Variants in TP53BP1 observed in about 807,000 individuals in gnomAD.
TP53BP1 encodes TP53-binding protein 1.
Under a neutral mutation model 200.8 loss-of-function variants are expected in TP53BP1, and 61 were observed. The ratio of observed to expected loss-of-function variants is 0.30; its 90% confidence interval spans 0.25 to 0.38. The LOEUF (loss-of-function observed/expected upper bound fraction) is 0.38. Ranked by LOEUF, TP53BP1 falls within the 10% of genes least tolerant of loss-of-function variation. The pLI is 1.00. For synonymous variants in TP53BP1, 822 were observed against 844.3 expected (o/e 0.97, Z 0.46); for missense variants, 2,144 against 2,371.9 (o/e 0.90, Z 2.00).
At chr15:43,493,232 A>G (rs2079154710), upstream of TP53BP1, 1 of 1,460,304 alleles carries the variant, frequency 6.8e-7, no homozygotes, top group Non-Finnish European at 9.0e-7. Context: ...AATCCCGTGG[A>G]TGATAGGTAG....
In TP53BP1 at chr15:43,406,629, A is replaced by G. The variant is rs1329600565; in HGVS notation, c.*754T>C. 1 of 455,918 alleles carries G rather than the reference A, an allele frequency of 2.2e-6. No homozygotes were observed. Among genetic ancestry groups the G allele is most frequent in the African/African-American group, 2.0e-5 (1 of 50,060 alleles). The allele number at this position is 455,918 out of a possible 1,614,324, so 28.2% of individuals were successfully genotyped here. On this transcript the variant is annotated 3_prime_UTR_variant, in exon 28 of 28. Coordinates refer to ENST00000382044, the MANE Select transcript of TP53BP1 (RefSeq NM_001141980.3). ...AAAACCTTGTTGACCCCTGCTTTAG[A>G]GAATGAGAAGCCATGCAGGGATCAG...
At chr15:43,481,897 A>G (rs1467857312) in intron 4 of TP53BP1, among the ~76,000 whole-genome samples, 1 of 151,758 alleles carries the variant, frequency 6.6e-6, no homozygotes, top group Non-Finnish European at 1.5e-5. Context: ...GCAGCCTTGA[A>G]CTACTGGGCA....
At position 43,460,407 on chromosome 15, in the gene TP53BP1, C is replaced by T. The variant is rs139058456; in HGVS notation, c.1390-3189G>A. Among the ~76,000 whole-genome samples, 1,078 of 152,192 alleles carry T rather than the reference C, an allele frequency of 7.1e-3. 15 individuals carry two copies. The highest frequency in any genetic ancestry group is 0.039 in the East Asian group (199 of 5,164). ...TCCCGAGTAGCTGGAACTACAGGTG[C>T]GCACCACCAGAGCCAGGTAATTTTT... On this transcript the variant is annotated intron_variant, in intron 11 of 27. Coordinates refer to ENST00000382044, the MANE Select transcript of TP53BP1 (RefSeq NM_001141980.3).
intron 10 of TP53BP1, among the ~76,000 whole-genome samples, chr15:43,470,673 CACACAAA>C (rs755613452): frequency 1.2e-4 from 19 of 152,270 alleles, no homozygotes; most frequent in Non-Finnish European, 2.6e-4. Flanking sequence ...GGAACACACA[CACACAAA>C]ACACAAAACA....
intron 18 of TP53BP1, among the ~76,000 whole-genome samples, chr15:43,427,565 CCT>C (rs2045571225): frequency 1.3e-5 from 2 of 152,168 alleles, no homozygotes; most frequent in South Asian, 4.1e-4. Flanking sequence ...AACTTCTAAC[CCT>C]GTTCTTCTAT....
At chr15:43,460,239 G>A (rs537330145) in intron 11 of TP53BP1, among the ~76,000 whole-genome samples, 2 of 152,052 alleles carry the variant, frequency 1.3e-5, no homozygotes, top group East Asian at 3.9e-4. Context: ...AGATGGTTAG[G>A]CATTCATTTC....
At chr15:43,472,282 G>A (rs1595600196) in intron 10 of TP53BP1, among the ~76,000 whole-genome samples, 1 of 152,194 alleles carries the variant, frequency 6.6e-6, no homozygotes, top group South Asian at 2.1e-4. Flanking sequence ...AATGCCCTTA[G>A]AACAATGCCT....
intron 22 of TP53BP1, 102 bp from the exon 23 acceptor site, chr15:43,415,911 T>C (rs755100179): frequency 4.2e-6 from 4 of 952,186 alleles, no homozygotes; most frequent in Non-Finnish European, 4.8e-6. Context: ...CAGTGTTCCT[T>C]CCCCCACTTC....
chr15:43,456,309 T>C lies in TP53BP1; in HGVS notation c.2299A>G (p.Lys767Glu). ...EDSSVVIVDVKEPSPRVDVSC... is the reference protein window; with the variant it reads ...EDSSVVIVDVEEPSPRVDVSC... ...ACATCAACTCTGGGAGATGGCTCTT[T>C]CACATCTACAATGACAACACTGGAG... Residue 767 changes from lysine to glutamate, a missense_variant, in exon 12 of 28, where the codon AAA (lysine) becomes GAA (glutamate). This residue lies in a region of TP53BP1 where 1,700 missense variants were observed against 1,710.3 expected (regional missense o/e 0.99). Transcript: ENST00000382044. The C allele has an allele frequency of 6.2e-7, 1 of 1,614,132 alleles. No individual in the cohort carries two copies.
At chr15:43,458,294 T>C (rs1174773627) in intron 11 of TP53BP1, among the ~76,000 whole-genome samples, 1 of 151,914 alleles carries the variant, frequency 6.6e-6, no homozygotes, top group Non-Finnish European at 1.5e-5. Context: ...TAGCCGGGCA[T>C]GGTGGCGTGC....
At chr15:43,455,841 T>G (rs376531031) in intron 12 of TP53BP1, 51 bp downstream of exon 12, 2 of 1,598,820 alleles carry the variant, frequency 1.3e-6, no homozygotes, top group Non-Finnish European at 1.7e-6. Flanking sequence ...CAACTTTCCA[T>G]TCCAGATTAT....
At chr15:43,447,993 C>T (rs2046082397) in intron 12 of TP53BP1, among the ~76,000 whole-genome samples, 1 of 152,150 alleles carries the variant, frequency 6.6e-6, no homozygotes, top group Non-Finnish European at 1.5e-5. Context: ...GACAGAGGAT[C>T]TCACGGGTTA....
intron 11 of TP53BP1, among the ~76,000 whole-genome samples, chr15:43,465,309 G>A (rs1443712634): frequency 6.6e-6 from 1 of 152,066 alleles, no homozygotes; most frequent in African/African-American, 2.4e-5. Flanking sequence ...ATTAGATCAT[G>A]GTGATGGTTG....
At chr15:43,412,647 T>C in intron 24 of TP53BP1, 1 of 471,152 alleles carries the variant, frequency 2.1e-6, no homozygotes, top group Non-Finnish European at 4.4e-6. Context: ...GTCCCAGTCT[T>C]AGACCTCAGG....
At chr15:43,472,509 A>C (rs1185310624) in intron 10 of TP53BP1, among the ~76,000 whole-genome samples, 1 of 152,218 alleles carries the variant, frequency 6.6e-6, no homozygotes, top group East Asian at 1.9e-4. Flanking sequence ...CTTTCTTGTG[A>C]ATAAAGTAAT....
chr15:43,441,762 CTTTAT>C (rs2045930316), intron 14 of TP53BP1, among the ~76,000 whole-genome samples, 179 bp from the exon 15 acceptor site: 1 of 152,076 alleles, frequency 6.6e-6, no homozygotes, highest in African/African-American at 2.4e-5. Context: ...TTATTTATTT[CTTTAT>C]TTTGAGACAG....
At position 43,432,691 on chromosome 15, in the gene TP53BP1, A is replaced by G; in HGVS notation, c.3192-14T>C. On this transcript the variant is annotated splice_polypyrimidine_tract_variant and intron_variant, in intron 16 of 27. Transcript: ENST00000382044. ...AGCAAGTTCCCCCTGAAAATGCAACATATAAAGAAGCCATGTCAATTAAGC... is the reference window on the plus strand; with the variant it reads ...AGCAAGTTCCCCCTGAAAATGCAACGTATAAAGAAGCCATGTCAATTAAGC... 5 of 1,590,224 alleles carry G rather than the reference A, an allele frequency of 3.1e-6. No homozygotes were observed. The highest frequency in any genetic ancestry group is 4.3e-6 in the Non-Finnish European group (5 of 1,167,582).
chr15:43,404,288 A>C lies in TP53BP1; in HGVS notation c.*3095T>G, dbSNP rs2044780741. 8.9e-7 allele frequency: 1 copy of C among 1,129,000 alleles called. No homozygotes were observed. Among genetic ancestry groups the C allele is most frequent in the Admixed American group, 2.7e-5 (1 of 37,080 alleles). 69.9% of individuals were successfully genotyped at this position (1,129,000 alleles called of 1,614,324 possible). On this transcript the variant is annotated 3_prime_UTR_variant, in exon 28 of 28. Coordinates refer to ENST00000382044, the MANE Select transcript of TP53BP1 (RefSeq NM_001141980.3). ...AACTAATAGAAATAGGAATGTGGGAAGGCCAGGTGGTTCTGTAGAATTTTG... is the reference window on the plus strand; with the variant it reads ...AACTAATAGAAATAGGAATGTGGGACGGCCAGGTGGTTCTGTAGAATTTTG...
rs766736772 is a variant in TP53BP1, at chr15:43,455,882, T to A, written c.2716+10A>T. On this transcript the variant is annotated intron_variant, in intron 12 of 27. Transcript: ENST00000382044. ...AGGTGGAGACAAGAATAATCTACAA[T>A]CACACTCACCACTAGAACTTTCACA... 6.2e-7 allele frequency: 1 copy of A among 1,612,114 alleles called. No individual in the cohort carries two copies. The highest frequency in any genetic ancestry group is 1.3e-5 in the African/African-American group (1 of 74,802).
Sources: allele counts gnomAD v4.1 joint callset (sites outside exome capture counted in the v4.1 genomes callset), GRCh38; gene constraint gnomAD v4.1.1; regional missense constraint gnomAD v4.1.1; transcripts MANE v1.5; gene names NCBI Gene and HGNC (gene_info 2026-07-23, HGNC 2026-07-21).